The following PLP1 variants were observed in gnomAD, a reference collection of about 807,000 sequenced individuals.
The protein encoded by PLP1 is proteolipid protein 1.
In PLP1, 2 loss-of-function variants were observed where a neutral mutation model predicts 18.5. That is an observed-to-expected ratio of 0.11 (90% CI 0.04 to 0.34). The LOEUF is 0.34. Ranked by LOEUF, PLP1 falls within the 10% of genes least tolerant of loss-of-function variation. The probability of loss-of-function intolerance (pLI) is 1.00; values close to 1 mark genes in which losing one functional copy is unlikely to be tolerated. For missense variants in PLP1, 105 were observed against 207.3 expected (o/e 0.51, Z 3.03); for synonymous variants, 86 against 83.2 (o/e 1.03, Z -0.19).
chrX:103,789,470 C>A, intron 6 of PLP1, 72 bp downstream of exon 6: 2 of 817,928 alleles, frequency 2.4e-6, no homozygotes, highest in East Asian at 3.1e-5. Context: ...TTCTGAAAGG[C>A]AAGAAGGTAG....
intron 5 of PLP1, 187 bp from the exon 6 acceptor site, chrX:103,789,146 G>A: frequency 4.1e-6 from 2 of 484,364 alleles, no homozygotes; most frequent in South Asian, 2.8e-5. Context: ...GTGTTAATGG[G>A]CCAGGTGCTA....
At chrX:103,785,965 C>G in intron 2 of PLP1, 197 bp downstream of exon 2, 2 of 674,386 alleles carry the variant, frequency 3.0e-6, no homozygotes, top group South Asian at 5.7e-5. Context: ...TGCCTGCCTG[C>G]CTGTCAGCCC....
chrX:103,780,483 G>T (rs187015140), intron 1 of PLP1, among the ~76,000 whole-genome samples: 3 of 109,047 alleles, frequency 2.8e-5, no homozygotes, highest in African/African-American at 1.0e-4. Context: ...GTCTGAAGAG[G>T]AGTGGGGAGT....
chrX:103,791,632 T>C lies in PLP1; in HGVS notation c.*1034T>C, dbSNP rs1749032039. The C allele has an allele frequency of 8.9e-6, 1 of 112,974 alleles. No homozygotes were observed. Among genetic ancestry groups the C allele is most frequent in the South Asian group, 3.7e-4 (1 of 2,721 alleles). The allele number at this position is 112,974 out of a possible 1,213,427, so 9.3% of individuals were successfully genotyped here. A position where few individuals can be genotyped will look rare whatever the true frequency, so the allele number is the denominator to read the frequency against. On this transcript the variant is annotated 3_prime_UTR_variant, in exon 7 of 7. Transcript: ENST00000621218. ...ATCCATTCAGTCATCGTAGGTGATT[T>C]GAAGGTCTTGATTTGTTTTAGAATG...
intron 1 of PLP1, chrX:103,781,195 T>C: frequency 1.5e-5 from 4 of 270,686 alleles, no homozygotes; most frequent in Admixed American, 1.4e-4. Context: ...GAGCTGGTCC[T>C]TGAGGCGGGC....
At chrX:103,789,222 T>C (rs958878424) in intron 5 of PLP1, 111 bp from the exon 6 acceptor site, 3 of 632,145 alleles carry the variant, frequency 4.7e-6, no homozygotes, top group Non-Finnish European at 5.4e-6. Context: ...AGATGTGGAA[T>C]TAGCACACAA....
rs768813979 is a variant in PLP1 at position 103,790,522 on chromosome X, T to C, written c.763-5T>C. 2.5e-6 allele frequency: 3 copies of C among 1,197,859 alleles called. No homozygotes were observed. In the South Asian group the frequency reaches 5.3e-5, roughly 21 times the overall value. On this transcript the variant is annotated splice_region_variant and splice_polypyrimidine_tract_variant and intron_variant, in intron 6 of 6. Transcript: ENST00000621218. ...CATTCACATTCTCTCTTCTGTTCCC[T>C]ACAGCTCACCTTCATGATTGCTGCC...
intron 6 of PLP1, among the ~76,000 whole-genome samples, chrX:103,789,843 CAT>C (rs1204754315): frequency 1.8e-5 from 2 of 111,409 alleles, no homozygotes; most frequent in Non-Finnish European, 3.8e-5. Flanking sequence ...TTTAGTTACT[CAT>C]ATGGAAATAC....
At chrX:103,789,193 G>A in intron 5 of PLP1, 140 bp from the exon 6 acceptor site, 1 of 546,567 alleles carries the variant, frequency 1.8e-6, no homozygotes, top group South Asian at 2.4e-5. Flanking sequence ...CACATTTAGG[G>A]AAGTGAAAAC....
intron 5 of PLP1, 39 bp downstream of exon 5, chrX:103,788,549 T>A (rs1227623002): frequency 2.0e-6 from 2 of 987,907 alleles, no homozygotes; most frequent in Non-Finnish European, 2.9e-6. Context: ...AGGGAGTAGC[T>A]AATACCATAC....
intron 1 of PLP1, among the ~76,000 whole-genome samples, chrX:103,782,920 G>A (rs776371433): frequency 8.9e-6 from 1 of 112,219 alleles, no homozygotes; most frequent in Non-Finnish European, 1.9e-5. Context: ...CCTGTGCTGG[G>A]GAGAAAGGGA....
chrX:103,791,573 T>C lies in PLP1; in HGVS notation c.*975T>C, dbSNP rs2074545775. On this transcript the variant is annotated 3_prime_UTR_variant, in exon 7 of 7. Transcript: ENST00000621218. ...TAGTTGTGTACTCTGGCCTCTGTCATATCTTCACAATGGTGCTCATTTCAT... is the reference window on the plus strand; with the variant it reads ...TAGTTGTGTACTCTGGCCTCTGTCACATCTTCACAATGGTGCTCATTTCAT... 8.9e-6 allele frequency: 1 copy of C among 112,643 alleles called. No individual in the cohort carries two copies. The highest frequency in any genetic ancestry group is 3.2e-5 in the African/African-American group (1 of 30,890). 9.3% of individuals were successfully genotyped at this position (112,643 alleles called of 1,213,427 possible).
chrX:103,788,292 G>T, intron 4 of PLP1, 145 bp from the exon 5 acceptor site: 3 of 564,608 alleles, frequency 5.3e-6, no homozygotes, highest in Admixed American at 4.8e-5. Context: ...TTGTAAACCT[G>T]TAGAAAAGAG....
At position 103,786,461 on chromosome X, in the gene PLP1, G is replaced by A; in HGVS notation, c.192-4G>A. On this transcript the variant is annotated splice_region_variant and splice_polypyrimidine_tract_variant and intron_variant, in intron 2 of 6. Transcript: ENST00000621218. ...TGGTCTCGTTTGTCTACCTGTTAAT[G>A]CAGGATCCATGCCTTCCAGTATGTC... The A allele has an allele frequency of 8.3e-7, 1 of 1,208,320 alleles. No individual in the cohort carries two copies. Among genetic ancestry groups the A allele is most frequent in the Non-Finnish European group, 1.1e-6 (1 of 892,521 alleles).
intron 1 of PLP1, among the ~76,000 whole-genome samples, chrX:103,784,326 G>A (rs1207190971): frequency 2.7e-5 from 3 of 111,724 alleles, no homozygotes; most frequent in Non-Finnish European, 5.6e-5. Context: ...TGCTGACTTT[G>A]TATAAAGTCT....
intron 5 of PLP1, 101 bp from the exon 6 acceptor site, chrX:103,789,232 A>G: frequency 1.5e-6 from 1 of 669,540 alleles, no homozygotes; most frequent in Non-Finnish European, 2.5e-6. Flanking sequence ...TTAGCACACA[A>G]GAAAGATATC....
chrX:103,788,451 A>T lies in PLP1; in HGVS notation c.637A>T (p.Asn213Tyr), dbSNP rs2074517254. 8.3e-7 allele frequency: 1 copy of T among 1,206,422 alleles called. No homozygotes were observed. Residue 213 changes from asparagine (N) to tyrosine (Y), a missense_variant, in exon 5 of 7, where the codon AAT becomes TAT. By Grantham distance (143) the Asn-to-Tyr change is moderately radical. Transcript: ENST00000621218. ...GTCTTACTTAGGTGTTCTCCCATGGAATGCTTTCCCTGGCAAGGTTTGTGG... is the reference window on the plus strand; with the variant it reads ...GTCTTACTTAGGTGTTCTCCCATGGTATGCTTTCCCTGGCAAGGTTTGTGG... ...DARMYGVLPW[N>Y]AFPGKVCGSN...
chrX:103,783,933 G>GTATATATACATATATTTA lies in PLP1; in HGVS notation c.5-1636_5-1619dup, dbSNP rs202027037. Among the ~76,000 whole-genome samples the GTATATATACATATATTTA allele has an allele frequency of 0.12, 13,228 of 110,353 alleles. 726 individuals are homozygous for GTATATATACATATATTTA. Among genetic ancestry groups the GTATATATACATATATTTA allele is most frequent in the Middle Eastern group, 0.28 (59 of 211 alleles). On this transcript the variant is annotated intron_variant, in intron 1 of 6. Coordinates refer to ENST00000621218, the MANE Select transcript of PLP1 (RefSeq NM_000533.5). ...GTTTATAGATATATAAAATCAGTGG[G>GTATATATACATATATTTA]TATATATACATATATTTATATATAT...
At chrX:103,781,376 G>A (rs2074453014) in intron 1 of PLP1, 5 of 297,980 alleles carry the variant, frequency 1.7e-5, no homozygotes, top group Non-Finnish European at 3.3e-5. Flanking sequence ...AGGGCTTAAA[G>A]TTGGAGTATC....
Sources: gnomAD v4.1 joint callset for allele counts (sites outside exome capture counted in the v4.1 genomes callset) on GRCh38, gnomAD v4.1.1 for gene constraint, MANE v1.5 for transcripts, NCBI Gene and HGNC (gene_info 2026-07-23, HGNC 2026-07-21) for gene names.